Variants in MALAT1 observed in about 807,000 individuals in gnomAD.
MALAT1 encodes metastasis associated lung adenocarcinoma transcript 1, also known as hepcarcin.
exon 4 of MALAT1, chr11:65,506,277 A>G (rs775752869): frequency 6.6e-6 from 3 of 454,548 alleles, no homozygotes; most frequent in South Asian, 1.7e-5. Context: ...GTAACAGCAC[A>G]ATATCTTTGA....
At chr11:65,502,852 ATTTAAAGTTACGGAATCTACCAT>A in exon 3 of MALAT1, 1 of 499,348 alleles carries the variant, frequency 2.0e-6, no homozygotes, top group South Asian at 1.5e-5. Flanking sequence ...AAAGCTACCA[ATTTAAAGTTACGGAATCTACCAT>A]TTTAAAGTTA....
chr11:65,503,585 CCATTAAAT>C (rs772533400), exon 3 of MALAT1: 8 of 512,118 alleles, frequency 1.6e-5, no homozygotes, highest in Non-Finnish European at 2.7e-5. Flanking sequence ...GTGTAGAAAA[CCATTAAAT>C]CATTCAAAAT....
At chr11:65,505,943 C>G (rs765820140) in intron 3 of MALAT1, 1 of 436,782 alleles carries the variant, frequency 2.3e-6, no homozygotes, top group Non-Finnish European at 4.5e-6. Context: ...TCTGCTAAGA[C>G]TTTTTCAGGT....
exon 3 of MALAT1, chr11:65,500,913 T>C (rs1854531351): frequency 1.9e-6 from 1 of 513,466 alleles, no homozygotes; most frequent in Non-Finnish European, 3.9e-6. Flanking sequence ...GTGTTGTAGG[T>C]TTCTCTTTTT....
intron 3 of MALAT1, chr11:65,505,486 G>A (rs372527175): frequency 1.9e-5 from 10 of 512,966 alleles, no homozygotes; most frequent in Non-Finnish European, 3.9e-5. Context: ...GGGAAAGCGG[G>A]CAACCACTTT....
chr11:65,501,727 A>G (rs780005018), exon 3 of MALAT1: 37 of 518,938 alleles, frequency 7.1e-5, no homozygotes, highest in South Asian at 5.0e-4. Flanking sequence ...AGTACAGCAC[A>G]GTGCAGCTTT....
At chr11:65,498,566 T>C (rs554256399) in intron 1 of MALAT1, 112 of 518,720 alleles carry the variant, frequency 2.2e-4, no homozygotes, top group African/African-American at 2.1e-3. Context: ...CTGCAAGCAG[T>C]TGGGGGAGAA....
At chr11:65,503,941 C>T (rs780152255) in intron 3 of MALAT1, 1 of 515,552 alleles carries the variant, frequency 1.9e-6, no homozygotes, top group African/African-American at 1.9e-5. Context: ...GGTAATTACA[C>T]ATTTTATTTC....
chr11:65,504,013 G>A (rs771429283), intron 3 of MALAT1: 6 of 517,646 alleles, frequency 1.2e-5, no homozygotes, highest in African/African-American at 1.2e-4. Flanking sequence ...CATTTCCAAA[G>A]TTTGCATGTT....
intron 1 of MALAT1, chr11:65,498,630 C>T: frequency 1.9e-6 from 1 of 518,592 alleles, no homozygotes; most frequent in Non-Finnish European, 3.9e-6. Flanking sequence ...GGCTCAGTTG[C>T]GTAATGGAAA....
chr11:65,498,549 C>G, intron 1 of MALAT1: 1 of 518,518 alleles, frequency 1.9e-6, no homozygotes, highest in Non-Finnish European at 3.9e-6. Flanking sequence ...GGGAGCAAGT[C>G]GCAGGACTGC....
At chr11:65,499,754 ATAAATT>A (rs768640857) in exon 3 of MALAT1, 11 of 433,256 alleles carry the variant, frequency 2.5e-5, no homozygotes, top group African/African-American at 4.1e-5. Context: ...AAGAAAAAAG[ATAAATT>A]TAAACCTGAA....
chr11:65,499,366 A>G, exon 3 of MALAT1: 1 of 492,846 alleles, frequency 2.0e-6, no homozygotes, highest in Non-Finnish European at 4.1e-6. Context: ...GAGAGAAAGG[A>G]CTACAGAGCC....
At chr11:65,505,604 C>T (rs370766543) in intron 3 of MALAT1, 3 of 519,008 alleles carry the variant, frequency 5.8e-6, no homozygotes, top group South Asian at 4.2e-5. Flanking sequence ...CTTCACCCCT[C>T]ACCTCGATGC....
At chr11:65,499,049 A>G (rs764181953) in exon 3 of MALAT1, 9 of 518,068 alleles carry the variant, frequency 1.7e-5, no homozygotes, top group Non-Finnish European at 2.7e-5. Flanking sequence ...TGCGGTAGGC[A>G]TTGAGGCAGC....
chr11:65,500,841 A>G lies in MALAT1; in HGVS notation n.2104A>G, dbSNP rs748439532. On this transcript the variant is annotated non_coding_transcript_exon_variant, in exon 3 of 4. Coordinates refer to ENST00000619449, the Ensembl canonical transcript of MALAT1. The stretch of plus-strand genomic sequence containing the variant: ...TAACCTTTTATTTATTTTCTAATAT[A>G]ATGGGGGAGTTTCGTACTGAGGTGT... 3 of 518,796 alleles carry G rather than the reference A, an allele frequency of 5.8e-6. No homozygotes were observed. The East Asian group carries it at 1.6e-4, about 28-fold the overall frequency. The allele number at this position is 518,796 out of a possible 1,614,324, so 32.1% of individuals were successfully genotyped here.
chr11:65,504,749 A>C, intron 3 of MALAT1: 1 of 519,024 alleles, frequency 1.9e-6, no homozygotes, highest in South Asian at 1.4e-5. Flanking sequence ...TAAACAGTTC[A>C]GTGATCTTTA....
exon 3 of MALAT1, chr11:65,500,081 G>A (rs957392547): frequency 2.2e-6 from 1 of 456,694 alleles, no homozygotes; most frequent in African/African-American, 2.0e-5. Flanking sequence ...TTGAGAAGAT[G>A]AGGGTGTTTA....
At chr11:65,499,289 T>C (rs775117976) in exon 3 of MALAT1, 164 of 513,010 alleles carry the variant, frequency 3.2e-4, no homozygotes, top group Non-Finnish European at 5.8e-5. Context: ...ATAAAAGGTT[T>C]CTAAAACATG....
Sources: gnomAD v4.1 joint callset for allele counts on GRCh38, gnomAD v4.1.1 for gene constraint, MANE v1.5 for transcripts, NCBI Gene and HGNC (gene_info 2026-07-23, HGNC 2026-07-21) for gene names.